The following PKD2 variants were observed in gnomAD, a reference collection of about 807,000 sequenced individuals.
PKD2 encodes the protein polycystin 2, transient receptor potential cation channel.
A neutral mutation model predicts 105.9 loss-of-function variants in PKD2; 48 were observed. That is an observed-to-expected ratio of 0.45 (90% CI 0.36 to 0.58). PKD2 has a LOEUF of 0.58. PKD2 is among the 20% of genes least tolerant of loss of function. The probability of loss-of-function intolerance (pLI) is 0.00; values close to 1 mark genes in which losing one functional copy is unlikely to be tolerated. For synonymous variants in PKD2, 464 were observed against 481.1 expected (o/e 0.96, Z 0.46); for missense variants, 1,078 against 1,255.3 (o/e 0.86, Z 2.13).
intron 8 of PKD2, 43 bp from the exon 9 acceptor site, chr4:88,057,940 A>C: frequency 6.8e-7 from 1 of 1,479,770 alleles, no homozygotes; most frequent in Admixed American, 1.7e-5. Flanking sequence ...ACTAGTGGAC[A>C]TTCTTTGTTT....
chr4:88,069,956 A>G (rs1274761210), intron 13 of PKD2, among the ~76,000 whole-genome samples: 1 of 152,204 alleles, frequency 6.6e-6, no homozygotes, highest in East Asian at 1.9e-4. Context: ...GAACAAAAGG[A>G]GAAATGTACA....
intron 2 of PKD2, among the ~76,000 whole-genome samples, chr4:88,030,670 C>T (rs776145407): frequency 1.2e-4 from 18 of 152,194 alleles, no homozygotes; most frequent in South Asian, 6.2e-4. Context: ...GGTGCCCACC[C>T]GAACCGGCCC....
chr4:88,071,423 T>C (rs1349924984), intron 13 of PKD2, among the ~76,000 whole-genome samples: 3 of 152,128 alleles, frequency 2.0e-5, no homozygotes, highest in Non-Finnish European at 4.4e-5. Context: ...AATATATTTA[T>C]AATAGGTACC....
intron 6 of PKD2, among the ~76,000 whole-genome samples, chr4:88,048,178 TC>T (rs1344751589): frequency 5.9e-5 from 9 of 152,218 alleles, no homozygotes; most frequent in Admixed American, 3.9e-4. Context: ...CTTCCCACTG[TC>T]CTATGATAGC....
rs575492656 is a variant in PKD2 at position 88,034,132 on chromosome 4, A to G, written c.710-2088A>G. On this transcript the variant is annotated intron_variant, in intron 2 of 14. Transcript: ENST00000237596. ...ACAGTTCTGAGAGGTAGTAAGTCAT[A>G]TAACACCTGAAGAGGACTGTTCTTG... is the stretch of plus-strand genomic sequence containing the variant. Among the ~76,000 whole-genome samples, 13 of 152,348 alleles carry G rather than the reference A, an allele frequency of 8.5e-5. No individual in the cohort carries two copies. In the South Asian group the frequency reaches 1.0e-3, roughly 12 times the overall value.
chr4:88,056,281 A>G lies in PKD2; in HGVS notation c.1898+14A>G. On this transcript the variant is annotated intron_variant, in intron 8 of 14. Coordinates refer to ENST00000237596, the MANE Select transcript of PKD2 (RefSeq NM_000297.4). ...CCAAGAGTGTATGTAAGTATATATG[A>G]AATTAAGAAGAAAAATTTAATCAGA... The G allele has an allele frequency of 6.4e-7, 1 of 1,565,010 alleles. No homozygotes were observed. The highest frequency in any genetic ancestry group is 8.8e-7 in the Non-Finnish European group (1 of 1,140,778).
chr4:88,032,688 GA>G (rs1368214069), intron 2 of PKD2, among the ~76,000 whole-genome samples: 1 of 152,206 alleles, frequency 6.6e-6, no homozygotes, highest in Non-Finnish European at 1.5e-5. Flanking sequence ...TTTAGAGAGT[GA>G]ATGCTACCTT....
intron 12 of PKD2, among the ~76,000 whole-genome samples, chr4:88,067,314 T>C (rs768864088): frequency 6.6e-6 from 1 of 152,206 alleles, no homozygotes; most frequent in Non-Finnish European, 1.5e-5. Context: ...TCCCAAGTAT[T>C]TCAAATAAGG....
chr4:88,036,814 T>G (rs1179431972), intron 3 of PKD2, among the ~76,000 whole-genome samples: 2 of 152,238 alleles, frequency 1.3e-5, no homozygotes, highest in African/African-American at 4.8e-5. Flanking sequence ...GTAAGGCCAA[T>G]GAAGGGCAGT....
At chr4:88,027,985 T>C (rs1727017305) in intron 2 of PKD2, among the ~76,000 whole-genome samples, 1 of 152,250 alleles carries the variant, frequency 6.6e-6, no homozygotes, top group South Asian at 2.1e-4. Context: ...CAGGCAGTTC[T>C]TTATAGCAGT....
chr4:88,028,632 C>T (rs1430978151), intron 2 of PKD2, among the ~76,000 whole-genome samples: 1 of 152,234 alleles, frequency 6.6e-6, no homozygotes, highest in Non-Finnish European at 1.5e-5. Context: ...ACACAGTACA[C>T]TGTAGAGTAT....
chr4:88,012,625 ATTTAT>A (rs1436280453), intron 1 of PKD2, among the ~76,000 whole-genome samples: 17 of 152,108 alleles, frequency 1.1e-4, no homozygotes, highest in Admixed American at 1.1e-3. Context: ...CATTAGGTAG[ATTTAT>A]TATATTATGT....
At chr4:88,043,122 T>C in intron 4 of PKD2, 111 bp from the exon 5 acceptor site, 1 of 733,184 alleles carries the variant, frequency 1.4e-6, no homozygotes, top group East Asian at 2.7e-5. Flanking sequence ...AGTACCCAGC[T>C]TGATAGGCCT....
chr4:88,043,165 G>C, intron 4 of PKD2, 68 bp from the exon 5 acceptor site: 1 of 979,522 alleles, frequency 1.0e-6, no homozygotes, highest in Non-Finnish European at 1.6e-6. Flanking sequence ...GGAACCAGCT[G>C]TCCTTGTAAT....
At chr4:88,018,192 G>A (rs1428806398) in intron 1 of PKD2, among the ~76,000 whole-genome samples, 2 of 152,166 alleles carry the variant, frequency 1.3e-5, no homozygotes, top group African/African-American at 2.4e-5. Context: ...TGAAACGTAT[G>A]ATGCGTAACA....
chr4:88,051,434 T>G (rs1054895840), intron 6 of PKD2, among the ~76,000 whole-genome samples: 1 of 152,242 alleles, frequency 6.6e-6, no homozygotes, highest in Non-Finnish European at 1.5e-5. Flanking sequence ...GCAGGATTTA[T>G]GCAGTTTACT....
In PKD2 at chr4:88,026,918, C is replaced by G. The variant is rs949620398; in HGVS notation, c.709+7347C>G. Among the ~76,000 whole-genome samples the G allele has an allele frequency of 2.6e-5, 4 of 152,190 alleles. No homozygotes were observed. The East Asian group carries it at 7.7e-4, about 29-fold the overall frequency. On this transcript the variant is annotated intron_variant, in intron 2 of 14. Coordinates refer to ENST00000237596, the MANE Select transcript of PKD2 (RefSeq NM_000297.4). ...TAGCAGCTTCCATGTGGTGTTGGGTCTTTGGGTGCACAGAAGACAAAAGTT... is the reference window on the plus strand; with the variant it reads ...TAGCAGCTTCCATGTGGTGTTGGGTGTTTGGGTGCACAGAAGACAAAAGTT...
In PKD2 at chr4:88,076,295, A is replaced by G. The variant is rs562695074; in HGVS notation, c.*601A>G. ...AAATACTATGCTTTTTTGTAAGTTG[A>G]TCGTATCTGATGTCTGTGGGACTAA... is the stretch of plus-strand genomic sequence containing the variant. On this transcript the variant is annotated 3_prime_UTR_variant, in exon 15 of 15. Coordinates refer to ENST00000237596, the MANE Select transcript of PKD2 (RefSeq NM_000297.4). The G allele has an allele frequency of 1.3e-5, 2 of 154,356 alleles. No individual in the cohort carries two copies. Among genetic ancestry groups the G allele is most frequent in the South Asian group, 2.0e-4 (1 of 5,000 alleles). 9.6% of individuals were successfully genotyped at this position (154,356 alleles called of 1,614,324 possible).
intron 2 of PKD2, among the ~76,000 whole-genome samples, chr4:88,026,005 G>C (rs989088904): frequency 6.7e-6 from 1 of 149,830 alleles, no homozygotes; most frequent in African/African-American, 2.4e-5. Flanking sequence ...GTCTCAGGCA[G>C]TTTTTTATAG....
Sources: allele counts gnomAD v4.1 joint callset (sites outside exome capture counted in the v4.1 genomes callset), GRCh38; gene constraint gnomAD v4.1.1; transcripts MANE v1.5; gene names NCBI Gene and HGNC (gene_info 2026-07-23, HGNC 2026-07-21).